The following IVD variants were observed in gnomAD, a reference collection of about 807,000 sequenced individuals.
The protein encoded by IVD is isovaleryl-CoA dehydrogenase.
A neutral mutation model predicts 51.3 loss-of-function variants in IVD; 31 were observed. The observed-to-expected ratio is 0.60, with a 90% CI of 0.45 to 0.81. The LOEUF is 0.81. IVD is among the 40% of genes least tolerant of loss of function. The pLI is 0.00. For synonymous variants in IVD, 205 were observed against 219.4 expected, an observed-to-expected ratio of 0.93 and a Z score of 0.58; for missense variants, 475 against 552.0, an observed-to-expected ratio of 0.86 and a Z score of 1.40.
intron 8 of IVD, among the ~76,000 whole-genome samples, chr15:40,435,143 A>G (rs1162132000): frequency 6.6e-6 from 1 of 152,130 alleles, no homozygotes; most frequent in Non-Finnish European, 1.5e-5. Flanking sequence ...CCCTGTTCCT[A>G]TATGGTTTTT....
intron 11 of IVD, 143 bp from the exon 12 acceptor site, chr15:40,417,987 C>A: frequency 8.9e-7 from 1 of 1,127,262 alleles, no homozygotes; most frequent in Non-Finnish European, 1.3e-6. Context: ...GTATTCCCCA[C>A]ACCCCTCCCT....
rs527854996 is a variant in IVD, at chr15:40,420,550, C to T, written c.*2287C>T. ...CAGGTCCTATTCCTGTCCTCCAGCC[C>T]GTTCTTTCATGAGGGACAGGAAGGT... is the stretch of plus-strand genomic sequence containing the variant. On this transcript the variant is annotated 3_prime_UTR_variant, in exon 12 of 12. Transcript: ENST00000487418. 1.8e-5 allele frequency: 18 copies of T among 987,520 alleles called. No individual in the cohort carries two copies. The highest frequency in any genetic ancestry group is 1.1e-4 in the East Asian group (1 of 8,814). The allele number at this position is 987,520 out of a possible 1,614,324, so 61.2% of individuals were successfully genotyped here.
At chr15:40,407,906 C>A in intron 2 of IVD, 33 bp from the exon 3 acceptor site, 1 of 1,612,520 alleles carries the variant, frequency 6.2e-7, no homozygotes, top group Middle Eastern at 1.7e-4. Context: ...TTCCCCTCAA[C>A]ACTTATTCCA....
At position 40,420,933 on chromosome 15, in the gene IVD, A is replaced by G. The variant is rs531526442; in HGVS notation, c.*2670A>G. 5.1e-6 allele frequency: 5 copies of G among 985,568 alleles called. No individual in the cohort carries two copies. The South Asian group carries it at 1.9e-4, about 37-fold the overall frequency. 61.1% of individuals were successfully genotyped at this position (985,568 alleles called of 1,614,324 possible). On this transcript the variant is annotated 3_prime_UTR_variant, in exon 12 of 12. Coordinates refer to ENST00000487418, the MANE Select transcript of IVD (RefSeq NM_002225.5). The stretch of plus-strand genomic sequence containing the variant: ...AACTGGTTTTCTTGGTTCTCAGCCC[A>G]GCAGCACCTATCCTGGCTCTTGGTC...
intron 1 of IVD, among the ~76,000 whole-genome samples, chr15:40,406,852 CTTTTCTT>C (rs1424228487): frequency 3.7e-4 from 55 of 150,524 alleles, no homozygotes; most frequent in African/African-American, 1.3e-3. Flanking sequence ...AGAGGAGTTT[CTTTTCTT>C]TTTTCTTTTT....
chr15:40,420,296 C>G lies in IVD; in HGVS notation c.*2033C>G. On this transcript the variant is annotated 3_prime_UTR_variant, in exon 12 of 12. Coordinates refer to ENST00000487418, the MANE Select transcript of IVD (RefSeq NM_002225.5). ...TGACCACCCACAGCTGACTGGGCAGCAGGCACAGGCCCTACCCGAGCAGGC... is the reference window on the plus strand; with the variant it reads ...TGACCACCCACAGCTGACTGGGCAGGAGGCACAGGCCCTACCCGAGCAGGC... The G allele has an allele frequency of 5.1e-6, 5 of 987,698 alleles. No homozygotes were observed. Among genetic ancestry groups the G allele is most frequent in the Non-Finnish European group, 6.0e-6 (5 of 830,170 alleles). 61.2% of individuals were successfully genotyped at this position (987,698 alleles called of 1,614,324 possible). A position where few individuals can be genotyped will look rare whatever the true frequency, so the allele number is the denominator to read the frequency against.
At position 40,419,220 on chromosome 15, in the gene IVD, T is replaced by A; in HGVS notation, c.*957T>A. On this transcript the variant is annotated 3_prime_UTR_variant, in exon 12 of 12. Coordinates refer to ENST00000487418, the MANE Select transcript of IVD (RefSeq NM_002225.5). ...GCTCCTAGCAGCTTATGAACACATA[T>A]GCTTGCTTGGCCAGGCAAGGTGGTG... 7.8e-7 allele frequency: 1 copy of A among 1,289,248 alleles called. No individual in the cohort carries two copies. Among genetic ancestry groups the A allele is most frequent in the Non-Finnish European group, 1.0e-6 (1 of 988,798 alleles). The allele number at this position is 1,289,248 out of a possible 1,614,324, so 79.9% of individuals were successfully genotyped here.
intron 1 of IVD, among the ~76,000 whole-genome samples, chr15:40,406,871 T>TC (rs983080594): frequency 6.6e-6 from 1 of 151,332 alleles, no homozygotes; most frequent in African/African-American, 2.4e-5. Context: ...TTTCTTTTTT[T>TC]TTTTTTTTTG....
downstream of IVD, among the ~76,000 whole-genome samples, chr15:40,426,413 C>T (rs1182662604): frequency 1.3e-5 from 2 of 151,846 alleles, no homozygotes; most frequent in African/African-American, 4.8e-5. Flanking sequence ...TGGTGGATGC[C>T]TGTAATCCCA....
chr15:40,416,322 G>T lies in IVD; in HGVS notation c.1098G>T (p.Glu366Asp). The change falls in exon 11 of 12, where the codon GAG (glutamate) becomes GAT (aspartate). Residue 366 changes from glutamate to aspartate, a missense_variant. Glu to Asp is a conservative substitution (Grantham distance 45). Coordinates refer to ENST00000487418, the MANE Select transcript of IVD (RefSeq NM_002225.5). Reference sequence around the variant, plus strand: ...CAGGTGTGATTCTTTACTCAGCTGAGTGTGCCACACAGGTAGCCCTGGACG... The same window carrying T: ...CAGGTGTGATTCTTTACTCAGCTGATTGTGCCACACAGGTAGCCCTGGACG... ...DCAGVILYSA[E>D]CATQVALDGI... 6.2e-7 allele frequency: 1 copy of T among 1,614,238 alleles called. No homozygotes were observed. The highest frequency in any genetic ancestry group is 8.5e-7 in the Non-Finnish European group (1 of 1,180,040).
At chr15:40,409,843 T>TC (rs1222059248) in intron 3 of IVD, among the ~76,000 whole-genome samples, 1 of 150,086 alleles carries the variant, frequency 6.7e-6, no homozygotes, top group African/African-American at 2.4e-5. Context: ...TTCTTTTTTT[T>TC]TTTTTTTTTT....
At chr15:40,426,309 G>A (rs560666715), downstream of IVD, among the ~76,000 whole-genome samples, 10 of 152,114 alleles carry the variant, frequency 6.6e-5, no homozygotes, top group African/African-American at 2.2e-4. Context: ...AGGCCGAGGC[G>A]GGTGGATCAC....
In IVD at chr15:40,416,352, T is replaced by C; in HGVS notation, c.1128T>C (p.Ile376=). Residue 376 remains isoleucine, a synonymous_variant, in exon 11 of 12, where the codon ATT becomes ATC. Transcript: ENST00000487418. ...CCACACAGGTAGCCCTGGACGGCATTCAGTGTTTTGGTGAGTGATCCCCAC... is the reference window on the plus strand; with the variant it reads ...CCACACAGGTAGCCCTGGACGGCATCCAGTGTTTTGGTGAGTGATCCCCAC... ...ECATQVALDG[I]QCFGGNGYIN... is the part of the protein sequence containing the mutation. The C allele has an allele frequency of 6.2e-7, 1 of 1,614,026 alleles. No homozygotes were observed. Among genetic ancestry groups the C allele is most frequent in the African/African-American group, 1.3e-5 (1 of 75,058 alleles).
At chr15:40,428,480 T>A (rs1892793076), downstream of IVD, among the ~76,000 whole-genome samples, 1 of 152,084 alleles carries the variant, frequency 6.6e-6, no homozygotes, top group African/African-American at 2.4e-5. Context: ...TCTCCCCTGG[T>A]ACCCTCCCTC....
At chr15:40,423,952 G>A (rs1019212901), downstream of IVD, among the ~76,000 whole-genome samples, 2 of 152,246 alleles carry the variant, frequency 1.3e-5, no homozygotes, top group Non-Finnish European at 2.9e-5. Context: ...CTACAGCCAC[G>A]CTAGTGCCGA....
intron 8 of IVD, 96 bp from the exon 9 acceptor site, chr15:40,415,305 C>A: frequency 9.0e-7 from 1 of 1,109,372 alleles, no homozygotes; most frequent in East Asian, 2.4e-5. Flanking sequence ...TGCTTTTCTC[C>A]TCCCTGGGAT....
intron 6 of IVD, 25 bp from the exon 7 acceptor site, chr15:40,412,966 G>T: frequency 6.2e-7 from 1 of 1,605,302 alleles, no homozygotes; most frequent in Non-Finnish European, 8.5e-7. Flanking sequence ...TCTGTAACCA[G>T]GACCACCTTT....
chr15:40,415,550 A>G (rs1891577425), intron 9 of IVD, 68 bp downstream of exon 9: 1 of 1,373,548 alleles, frequency 7.3e-7, no homozygotes, highest in Non-Finnish European at 1.0e-6. Flanking sequence ...AAAGAGAGGA[A>G]GTGAGGTGGG....
chr15:40,412,607 G>C (rs886964146), intron 6 of IVD: 1 of 307,114 alleles, frequency 3.3e-6, no homozygotes, highest in Admixed American at 4.5e-5. Flanking sequence ...GCCCTAGTGG[G>C]ATCCCTTTGG....
Sources: gnomAD v4.1 joint callset for allele counts (sites outside exome capture counted in the v4.1 genomes callset) on GRCh38, gnomAD v4.1.1 for gene constraint, MANE v1.5 for transcripts, NCBI Gene and HGNC (gene_info 2026-07-23, HGNC 2026-07-21) for gene names.